The following UBN1 variants were observed in gnomAD, a reference collection of about 807,000 sequenced individuals.
UBN1 encodes ubinuclein 1.
In UBN1, 17 loss-of-function variants were observed where a neutral mutation model predicts 108.5. The observed-to-expected ratio is 0.16, with a 90% CI of 0.11 to 0.24. UBN1 has a LOEUF of 0.24. UBN1 is among the 10% of genes least tolerant of loss of function. The pLI is 1.00. For synonymous variants in UBN1, 726 were observed against 564.2 expected, an observed-to-expected ratio of 1.29 and a Z score of -4.07; for missense variants, 1,595 against 1,394.4, an observed-to-expected ratio of 1.14 and a Z score of -2.29.
intron 3 of UBN1, 38 bp downstream of exon 3, chr16:4,858,114 G>C: frequency 7.2e-7 from 1 of 1,397,404 alleles, no homozygotes; most frequent in Non-Finnish European, 1.0e-6. Flanking sequence ...CAACCTCATT[G>C]GGTGGGAGAC....
At chr16:4,848,970 G>A (rs1350188900) in intron 1 of UBN1, among the ~76,000 whole-genome samples, 2 of 152,092 alleles carry the variant, frequency 1.3e-5, no homozygotes, top group East Asian at 1.9e-4. Flanking sequence ...GCGTGGTGGC[G>A]CATGCCTGTA....
intron 2 of UBN1, among the ~76,000 whole-genome samples, chr16:4,854,637 A>G (rs1009677512): frequency 5.3e-5 from 8 of 151,256 alleles, no homozygotes; most frequent in Non-Finnish European, 8.8e-5. Context: ...AAGTGTTAGG[A>G]TTATAGGCGT....
At chr16:4,855,149 G>A (rs1300256969) in intron 2 of UBN1, among the ~76,000 whole-genome samples, 1 of 152,170 alleles carries the variant, frequency 6.6e-6, no homozygotes, top group East Asian at 1.9e-4. Context: ...TGGGGATGAG[G>A]CTGGTAATTG....
chr16:4,860,943 G>A lies in UBN1; in HGVS notation c.951G>A (p.Glu317=). ...ACTCGCTGACGGATTTGGACTTGGA[G>A]CATCTGCTCAGTGAGTCTCCAGAAG... ...AMDSLTDLDL[E]HLLSESPEGS... is the part of the protein sequence containing the mutation. The change falls in exon 7 of 18, where the codon GAG becomes GAA. Residue 317 remains glutamate, a synonymous_variant. Transcript: ENST00000262376. The A allele has an allele frequency of 1.9e-6, 3 of 1,614,252 alleles. No individual in the cohort carries two copies. The highest frequency in any genetic ancestry group is 2.2e-5 in the South Asian group (2 of 91,090).
intron 6 of UBN1, among the ~76,000 whole-genome samples, chr16:4,860,214 C>T (rs2086996327): frequency 6.6e-6 from 1 of 152,320 alleles, no homozygotes; most frequent in Admixed American, 6.5e-5. Context: ...TTCTCGTCCT[C>T]TGGGGTGCTC....
At chr16:4,871,833 A>G (rs752136280) in intron 12 of UBN1, among the ~76,000 whole-genome samples, 17 of 152,020 alleles carry the variant, frequency 1.1e-4, no homozygotes, top group Middle Eastern at 3.4e-3. Flanking sequence ...TGATCTGCCC[A>G]CCTTGGCCTC....
At position 4,882,283 on chromosome 16, in the gene UBN1, A is replaced by G. The variant is rs1166577187; in HGVS notation, c.*2151A>G. The G allele has an allele frequency of 6.6e-5, 10 of 152,578 alleles. No individual in the cohort carries two copies. Among genetic ancestry groups the G allele is most frequent in the Admixed American group, 2.6e-4 (4 of 15,252 alleles). The allele number at this position is 152,578 out of a possible 1,614,324, so 9.5% of individuals were successfully genotyped here. A position where few individuals can be genotyped will look rare whatever the true frequency, so the allele number is the denominator to read the frequency against. ...GGGCTGTGGCTTTTGTGCAGCGACT[A>G]TGTTGGTGTTAGGGGTGGTGTGGAG... is the stretch of plus-strand genomic sequence containing the variant. On this transcript the variant is annotated 3_prime_UTR_variant, in exon 18 of 18. Transcript: ENST00000262376.
intron 14 of UBN1, 131 bp downstream of exon 14, chr16:4,873,204 C>T: frequency 7.6e-7 from 1 of 1,321,514 alleles, no homozygotes; most frequent in Non-Finnish European, 1.1e-6. Context: ...GGATGACATT[C>T]TTGAAGTCAT....
At chr16:4,874,062 C>G in intron 14 of UBN1, 149 bp from the exon 15 acceptor site, 1 of 995,432 alleles carries the variant, frequency 1.0e-6, no homozygotes, top group Non-Finnish European at 1.4e-6. Flanking sequence ...AAGGCGGGCA[C>G]AGCTCCTGCT....
chr16:4,870,869 G>C lies in UBN1; in HGVS notation c.1456G>C (p.Glu486Gln), dbSNP rs1368343780. Residue 486 changes from glutamate (E) to glutamine (Q), a missense_variant, in exon 11 of 18, where the codon GAG becomes CAG. By Grantham distance (29) the Glu-to-Gln change is conservative. This residue lies in a region of UBN1 where 1,398 missense variants were observed against 1,194.7 expected (regional missense o/e 1.17). Coordinates refer to ENST00000262376, the MANE Select transcript of UBN1 (RefSeq NM_001079514.3). Reference sequence around the variant, plus strand: ...GATGCTGGAAGAGGAGAAAGACAAGGAGCAGAGGGACCGGATTTGTTCGGA... The same window carrying C: ...GATGCTGGAAGAGGAGAAAGACAAGCAGCAGAGGGACCGGATTTGTTCGGA... The part of the protein sequence containing the change: ...AKMLEEEKDK[E>Q]QRDRICSDEE... The C allele has an allele frequency of 1.9e-6, 3 of 1,613,934 alleles. No individual in the cohort carries two copies. Among genetic ancestry groups the C allele is most frequent in the South Asian group, 1.1e-5 (1 of 91,076 alleles).
chr16:4,876,360 A>C (rs964835511), intron 15 of UBN1, among the ~76,000 whole-genome samples: 1 of 152,222 alleles, frequency 6.6e-6, no homozygotes, highest in Non-Finnish European at 1.5e-5. Flanking sequence ...CTGTAAGGTA[A>C]CTAAGCTCTT....
intron 3 of UBN1, 79 bp from the exon 4 acceptor site, chr16:4,858,489 T>C (rs1005870997): frequency 5.4e-6 from 7 of 1,303,530 alleles, no homozygotes; most frequent in Admixed American, 1.8e-5. Context: ...CTTTGAGTCA[T>C]AGCTGATGAA....
In UBN1 at chr16:4,874,125, C is replaced by T. The variant is rs573132428; in HGVS notation, c.1801-86C>T. Reference sequence around the variant, plus strand: ...ACAGGAAGGCCCAGTTTTTTTGACTCGAGTTCACATGTTTGTATCCTCACA... The same window carrying T: ...ACAGGAAGGCCCAGTTTTTTTGACTTGAGTTCACATGTTTGTATCCTCACA... On this transcript the variant is annotated intron_variant, in intron 14 of 17. Transcript: ENST00000262376. 42 of 1,467,406 alleles carry T rather than the reference C, an allele frequency of 2.9e-5. 1 individual carries two copies. In the East Asian group the frequency reaches 5.3e-4, roughly 19 times the overall value. The allele number at this position is 1,467,406 out of a possible 1,614,324, so 90.9% of individuals were successfully genotyped here.
chr16:4,859,308 T>A (rs1463259621), intron 5 of UBN1, 149 bp downstream of exon 5: 1 of 1,129,692 alleles, frequency 8.9e-7, no homozygotes, highest in African/African-American at 1.6e-5. Flanking sequence ...GCTCGCCTCT[T>A]ACACGTGTGC....
Position 4,875,414 on chromosome 16 carries a change from A to G in UBN1, c.3004A>G (p.Thr1002Ala). Residue 1002 changes from threonine to alanine, a missense_variant, in exon 15 of 18, where the codon ACA becomes GCA. Thr to Ala is a moderately conservative substitution (Grantham distance 58). Around this residue, in one of 3 missense-constraint regions of UBN1, gnomAD observed 1,398 missense variants for 1,194.7 expected, o/e 1.17. Coordinates refer to ENST00000262376, the MANE Select transcript of UBN1 (RefSeq NM_001079514.3). Reference protein sequence around the residue: ...SLKPSAVSSVTSSTSLSKGAS... With the variant: ...SLKPSAVSSVASSTSLSKGAS... ...AAAGCCCTCTGCAGTTAGTAGTGTG[A>G]CATCGTCTACCTCCTTGTCAGTGAG... The G allele has an allele frequency of 6.2e-7, 1 of 1,612,252 alleles. No homozygotes were observed. Among genetic ancestry groups the G allele is most frequent in the Non-Finnish European group, 8.5e-7 (1 of 1,178,768 alleles).
intron 2 of UBN1, among the ~76,000 whole-genome samples, chr16:4,857,353 A>G (rs79874882): frequency 8.6e-5 from 3 of 34,930 alleles, no homozygotes; most frequent in African/African-American, 3.2e-4. Context: ...TCTTATCTCA[A>G]AAAAAAAAAA....
Position 4,871,256 on chromosome 16 carries a change from A to G in UBN1, c.1661A>G (p.Asp554Gly). The change falls in exon 12 of 18, where the codon GAT (aspartate) becomes GGT (glycine). Residue 554 changes from aspartate (D) to glycine (G), a missense_variant. By Grantham distance (94) the Asp-to-Gly change is moderately conservative. This residue lies in a region of UBN1 where 1,398 missense variants were observed against 1,194.7 expected (regional missense o/e 1.17). Coordinates refer to ENST00000262376, the MANE Select transcript of UBN1 (RefSeq NM_001079514.3). ...GAGGACTGTGTGAAGGGCTTTCTGG[A>G]TGCGGAAGTCAAGCCCCTCTGGCCC... ...AWEDCVKGFL[D>G]AEVKPLWPKG... 1 of 1,614,234 alleles carries G rather than the reference A, an allele frequency of 6.2e-7. No individual in the cohort carries two copies. Among genetic ancestry groups the G allele is most frequent in the South Asian group, 1.1e-5 (1 of 91,080 alleles).
intron 2 of UBN1, among the ~76,000 whole-genome samples, chr16:4,854,202 T>C (rs1260147580): frequency 2.0e-5 from 3 of 149,150 alleles, no homozygotes; most frequent in Non-Finnish European, 3.0e-5. Context: ...CCCGGCAAAT[T>C]TTTTGTATTT....
chr16:4,850,547 G>A (rs1224119084), intron 1 of UBN1, among the ~76,000 whole-genome samples: 3 of 152,166 alleles, frequency 2.0e-5, no homozygotes, highest in African/African-American at 4.8e-5. Flanking sequence ...AATATCCTGA[G>A]GGCCTTGGAG....
Sources: allele counts gnomAD v4.1 joint callset (sites outside exome capture counted in the v4.1 genomes callset), GRCh38; gene constraint gnomAD v4.1.1; regional missense constraint gnomAD v4.1.1; transcripts MANE v1.5; gene names NCBI Gene and HGNC (gene_info 2026-07-23, HGNC 2026-07-21).